The following ATP6V1D variants were observed in gnomAD, a reference collection of about 807,000 sequenced individuals.
ATP6V1D encodes the protein V-type proton ATPase subunit D.
A neutral mutation model predicts 39.4 loss-of-function variants in ATP6V1D; 20 were observed. The ratio of observed to expected loss-of-function variants is 0.51; its 90% CI spans 0.36 to 0.74. The LOEUF (loss-of-function observed/expected upper bound fraction) is 0.74, where lower values mean the gene tolerates loss of function less well. Ranked by LOEUF, ATP6V1D falls within the 30% of genes least tolerant of loss-of-function variation. The pLI is 0.00. For synonymous variants in ATP6V1D, 100 were observed against 100.5 expected, an observed-to-expected ratio of 0.99 and a Z score of 0.03; for missense variants, 228 against 291.6, an observed-to-expected ratio of 0.78 and a Z score of 1.59.
chr14:67,342,103 A>C (rs1336399239), intron 7 of ATP6V1D, among the ~76,000 whole-genome samples: 1 of 151,976 alleles, frequency 6.6e-6, no homozygotes, highest in Non-Finnish European at 1.5e-5. Flanking sequence ...TCACTTGTTT[A>C]TCTGCTGACC....
At chr14:67,358,237 C>A (rs1005970848) in intron 1 of ATP6V1D, among the ~76,000 whole-genome samples, 1 of 152,166 alleles carries the variant, frequency 6.6e-6, no homozygotes, top group African/African-American at 2.4e-5. Context: ...GTCACTACCT[C>A]GGGATAGTCC....
At chr14:67,353,479 T>TTTG (rs375450609) in intron 1 of ATP6V1D, among the ~76,000 whole-genome samples, 1,589 of 151,712 alleles carry the variant, frequency 0.01, 30 homozygotes, top group East Asian at 0.071. Context: ...CAAGACTCCT[T>TTTG]TTGTTGTTGT....
intron 6 of ATP6V1D, 105 bp downstream of exon 6, chr14:67,345,663 G>T: frequency 1.4e-6 from 1 of 689,752 alleles, no homozygotes; most frequent in Non-Finnish European, 2.5e-6. Flanking sequence ...CATGGGAACA[G>T]TTAAAAGTAC....
intron 3 of ATP6V1D, among the ~76,000 whole-genome samples, chr14:67,350,145 A>T (rs1277554614): frequency 1.3e-5 from 2 of 152,242 alleles, no homozygotes; most frequent in Non-Finnish European, 2.9e-5. Context: ...ATGTCACCAA[A>T]GCCATGAAGT....
intron 1 of ATP6V1D, among the ~76,000 whole-genome samples, chr14:67,354,583 C>T (rs962210063): frequency 2.6e-5 from 4 of 152,026 alleles, no homozygotes; most frequent in Admixed American, 2.6e-4. Context: ...CATCAGAGTT[C>T]ACCTATGATG....
At chr14:67,349,234 T>C in intron 3 of ATP6V1D, 130 bp from the exon 4 acceptor site, 1 of 889,670 alleles carries the variant, frequency 1.1e-6, no homozygotes, top group Non-Finnish European at 1.7e-6. Flanking sequence ...TTGATAACTG[T>C]CCTTTTTCCA....
chr14:67,349,399 C>T (rs943499107), intron 3 of ATP6V1D, among the ~76,000 whole-genome samples: 1 of 152,220 alleles, frequency 6.6e-6, no homozygotes, highest in Admixed American at 6.5e-5. Context: ...ATGGATATAA[C>T]TTTAAGGATT....
chr14:67,342,591 T>C (rs867253614), intron 7 of ATP6V1D, among the ~76,000 whole-genome samples: 1 of 150,360 alleles, frequency 6.7e-6, no homozygotes, highest in Non-Finnish European at 1.5e-5. Context: ...TCCACTTTCA[T>C]GTACAAGGCC....
At chr14:67,344,826 A>C (rs1212292681) in intron 6 of ATP6V1D, among the ~76,000 whole-genome samples, 2 of 151,708 alleles carry the variant, frequency 1.3e-5, no homozygotes, top group Non-Finnish European at 2.9e-5. Flanking sequence ...GGCTGCAGTT[A>C]GCCAAGATCG....
chr14:67,359,481 A>T (rs943865689), intron 1 of ATP6V1D, among the ~76,000 whole-genome samples, 177 bp downstream of exon 1: 1 of 151,964 alleles, frequency 6.6e-6, no homozygotes, highest in Non-Finnish European at 1.5e-5. Context: ...TGATTCACTC[A>T]GGAGGAATGC....
At chr14:67,353,166 A>T in intron 1 of ATP6V1D, 126 bp from the exon 2 acceptor site, 1 of 680,760 alleles carries the variant, frequency 1.5e-6, no homozygotes, top group Non-Finnish European at 2.4e-6. Flanking sequence ...TATATAGAGA[A>T]TTTGTAGCTG....
At chr14:67,358,863 C>T (rs72717402) in intron 1 of ATP6V1D, among the ~76,000 whole-genome samples, 22 of 152,338 alleles carry the variant, frequency 1.4e-4, no homozygotes, top group Non-Finnish European at 2.8e-4. Flanking sequence ...AAAAGAAAGG[C>T]AGCCCACAAC....
chr14:67,348,702 A>C (rs572846248), intron 4 of ATP6V1D, among the ~76,000 whole-genome samples: 8 of 131,866 alleles, frequency 6.1e-5, no homozygotes, highest in Non-Finnish European at 9.8e-5. Context: ...TTGTATTATT[A>C]GTAGAGATGG....
intron 1 of ATP6V1D, among the ~76,000 whole-genome samples, chr14:67,355,675 A>T (rs1461201253): frequency 6.6e-6 from 1 of 151,996 alleles, no homozygotes; most frequent in Non-Finnish European, 1.5e-5. Flanking sequence ...AAAAAGAGCT[A>T]ATGAAAAGTA....
At chr14:67,345,733 A>G in intron 6 of ATP6V1D, 35 bp downstream of exon 6, 1 of 1,463,396 alleles carries the variant, frequency 6.8e-7, no homozygotes, top group Non-Finnish European at 9.6e-7. Flanking sequence ...TTACAAATCA[A>G]ACTACAGGAG....
At chr14:67,345,700 C>T in intron 6 of ATP6V1D, 68 bp downstream of exon 6, 2 of 1,052,566 alleles carry the variant, frequency 1.9e-6, no homozygotes, top group South Asian at 2.6e-5. Flanking sequence ...TGACTCAAGA[C>T]CTGACTCTCC....
At chr14:67,347,478 G>T (rs1436673123) in intron 4 of ATP6V1D, 25 bp from the exon 5 acceptor site, 5 of 1,561,976 alleles carry the variant, frequency 3.2e-6, no homozygotes, top group Admixed American at 1.8e-5. Flanking sequence ...AGCATACATG[G>T]ATTCATAAAC....
chr14:67,339,139 G>A (rs897042100), intron 8 of ATP6V1D, among the ~76,000 whole-genome samples: 1 of 151,756 alleles, frequency 6.6e-6, no homozygotes, highest in East Asian at 1.9e-4. Context: ...GGGAATACAG[G>A]CGCATGCTGC....
At chr14:67,353,344 T>C (rs2085667636) in intron 1 of ATP6V1D, among the ~76,000 whole-genome samples, 2 of 152,130 alleles carry the variant, frequency 1.3e-5, no homozygotes, top group African/African-American at 4.8e-5. Flanking sequence ...CTGGGTTCCT[T>C]ATTGCAGGAG....
Sources: allele counts gnomAD v4.1 joint callset (sites outside exome capture counted in the v4.1 genomes callset), GRCh38; gene constraint gnomAD v4.1.1; transcripts MANE v1.5; gene names NCBI Gene and HGNC (gene_info 2026-07-23, HGNC 2026-07-21).